SPAG16: variants seen among roughly 807,000 people sequenced by gnomAD.
SPAG16 encodes sperm associated antigen 16.
In SPAG16, 86 loss-of-function variants were observed where a neutral mutation model predicts 80.4. The ratio of observed to expected loss-of-function variants is 1.07; its 90% confidence interval spans 0.90 to 1.28. The LOEUF (loss-of-function observed/expected upper bound fraction) is 1.28. SPAG16 is among the 50% of genes most tolerant of loss of function. The pLI is 0.00. For synonymous variants in SPAG16, 294 were observed against 265.9 expected (o/e 1.11, Z -1.03); for missense variants, 870 against 765.3 (o/e 1.14, Z -1.61).
chr2:213,743,637 G>T (rs2067684101), intron 10 of SPAG16, among the ~76,000 whole-genome samples: 2 of 152,116 alleles, frequency 1.3e-5, no homozygotes. Context: ...TCCCTCCTTT[G>T]TGGTAAATTT....
In SPAG16 at chr2:213,314,710, T is replaced by C. The variant is rs180689822; in HGVS notation, c.399-2509T>C. 3.9e-3 allele frequency among the ~76,000 whole-genome samples: 590 copies of C among 152,052 alleles called. 5 individuals are homozygous for C. The highest frequency in any genetic ancestry group is 6.0e-3 in the Non-Finnish European group (406 of 67,888). On this transcript the variant is annotated intron_variant, in intron 4 of 15. Transcript: ENST00000331683. ...TTAATTTAGAGGAAAAACTATTAAA[T>C]CACTTTTTTCCTCATAGAAAATTTC...
At chr2:213,934,211 T>C (rs1354978248) in intron 12 of SPAG16, among the ~76,000 whole-genome samples, 3 of 152,264 alleles carry the variant, frequency 2.0e-5, no homozygotes, top group African/African-American at 4.8e-5. Flanking sequence ...AGTTTTTCAC[T>C]ATTTGGACTA....
chr2:213,356,384 T>C (rs2125078199), intron 7 of SPAG16, among the ~76,000 whole-genome samples: 1 of 152,330 alleles, frequency 6.6e-6, no homozygotes, highest in Admixed American at 6.5e-5. Flanking sequence ...TCTTGGACTT[T>C]ATTTGGTTGG....
At chr2:213,307,521 C>A (rs1575143150) in intron 3 of SPAG16, among the ~76,000 whole-genome samples, 1 of 141,614 alleles carries the variant, frequency 7.1e-6, no homozygotes, top group African/African-American at 2.6e-5. Flanking sequence ...CATGTCCCTA[C>A]AAAGGACATG....
chr2:213,443,993 C>G (rs1000160025), intron 9 of SPAG16, among the ~76,000 whole-genome samples: 10 of 152,116 alleles, frequency 6.6e-5, no homozygotes, highest in Middle Eastern at 3.2e-3. Flanking sequence ...CAAGGAGAAA[C>G]TGGGAACTGG....
chr2:214,188,032 A>C (rs982930686), intron 15 of SPAG16, among the ~76,000 whole-genome samples: 11 of 152,090 alleles, frequency 7.2e-5, no homozygotes, highest in Non-Finnish European at 1.5e-4. Flanking sequence ...TAAGAAGCCC[A>C]AGTTATGAGA....
chr2:214,187,916 A>G (rs375894516), intron 15 of SPAG16, among the ~76,000 whole-genome samples: 1 of 152,128 alleles, frequency 6.6e-6, no homozygotes, highest in Non-Finnish European at 1.5e-5. Flanking sequence ...CTTCTCCTTT[A>G]ATATCAAAAT....
rs1427440845 is a variant in SPAG16, at chr2:213,804,715, A to AACTAACTG, written c.1071-57763_1071-57762insGACTAACT. On this transcript the variant is annotated intron_variant, in intron 10 of 15. Transcript: ENST00000331683. ...TAACTAACTAACTAACTAACTAACT[A>AACTAACTG]ACTAACTAACTAACTAAGATTACGA... 1.3e-4 allele frequency among the ~76,000 whole-genome samples: 20 copies of AACTAACTG among 151,750 alleles called. No homozygotes were observed. The South Asian group carries it at 3.5e-3, about 27-fold the overall frequency.
chr2:213,475,803 AC>A (rs778503238), intron 9 of SPAG16, among the ~76,000 whole-genome samples: 2 of 152,200 alleles, frequency 1.3e-5, no homozygotes, highest in Non-Finnish European at 2.9e-5. Flanking sequence ...TCCTTCTCAA[AC>A]AAAGGAAAGA....
chr2:213,715,431 C>T (rs762109274), intron 10 of SPAG16, among the ~76,000 whole-genome samples: 5 of 152,040 alleles, frequency 3.3e-5, no homozygotes, highest in Admixed American at 6.5e-5. Context: ...TCGTGACAAG[C>T]GCTTACCACC....
At chr2:214,056,052 T>C (rs558744616) in intron 13 of SPAG16, among the ~76,000 whole-genome samples, 10 of 152,304 alleles carry the variant, frequency 6.6e-5, no homozygotes, top group Non-Finnish European at 1.3e-4. Context: ...ACTATACTTA[T>C]GTCTAGTAAT....
chr2:214,299,701 G>A (rs560575723), intron 15 of SPAG16, among the ~76,000 whole-genome samples: 2 of 152,214 alleles, frequency 1.3e-5, no homozygotes, highest in Non-Finnish European at 2.9e-5. Context: ...GGCCATATAG[G>A]CTCTTTTAAG....
At chr2:213,824,418 T>C (rs919994657) in intron 10 of SPAG16, among the ~76,000 whole-genome samples, 1 of 152,214 alleles carries the variant, frequency 6.6e-6, no homozygotes, top group African/African-American at 2.4e-5. Flanking sequence ...GATTTTTATT[T>C]ATGGCAAGAG....
chr2:213,881,620 C>A (rs972121660), intron 11 of SPAG16, among the ~76,000 whole-genome samples: 1 of 152,162 alleles, frequency 6.6e-6, no homozygotes, highest in Non-Finnish European at 1.5e-5. Context: ...CACAAGGCGG[C>A]AGGAAGGAGA....
chr2:213,819,163 T>G (rs888527488), intron 10 of SPAG16, among the ~76,000 whole-genome samples: 8 of 152,244 alleles, frequency 5.3e-5, no homozygotes, highest in Non-Finnish European at 1.0e-4. Context: ...AACATTGTTA[T>G]TTTATTCCCA....
intron 10 of SPAG16, among the ~76,000 whole-genome samples, chr2:213,614,159 C>T (rs2061523326): frequency 6.6e-6 from 1 of 152,128 alleles, no homozygotes; most frequent in South Asian, 2.1e-4. Context: ...GAGAGTAGAA[C>T]ATTCTGGAAT....
At chr2:214,357,696 C>T (rs28645434) in intron 15 of SPAG16, among the ~76,000 whole-genome samples, 86,444 of 151,694 alleles carry the variant, frequency 0.57, 28,960 homozygotes, top group Non-Finnish European at 0.74. Flanking sequence ...GTGGGTCTGA[C>T]TTGCAGTCCA....
intron 15 of SPAG16, among the ~76,000 whole-genome samples, chr2:214,378,033 T>C (rs1223193850): frequency 1.3e-5 from 2 of 151,988 alleles, no homozygotes; most frequent in Non-Finnish European, 2.9e-5. Flanking sequence ...AAAGGAGATG[T>C]GGTGACAGAA....
At chr2:213,702,933 T>C (rs1445151490) in intron 10 of SPAG16, among the ~76,000 whole-genome samples, 1 of 152,140 alleles carries the variant, frequency 6.6e-6, no homozygotes, top group Non-Finnish European at 1.5e-5. Flanking sequence ...GTGACTGTGT[T>C]AGTGTTCATC....
Sources: gnomAD v4.1 joint callset for allele counts (sites outside exome capture counted in the v4.1 genomes callset) on GRCh38, gnomAD v4.1.1 for gene constraint, MANE v1.5 for transcripts, NCBI Gene and HGNC (gene_info 2026-07-23, HGNC 2026-07-21) for gene names.